MTR: variants seen among roughly 807,000 people sequenced by gnomAD.
MTR encodes the protein 5-methyltetrahydrofolate-homocysteine methyltransferase.
A neutral mutation model predicts 154.8 loss-of-function variants in MTR; 84 were observed. The ratio of observed to expected loss-of-function variants is 0.54; its 90% CI spans 0.45 to 0.65. MTR has a LOEUF of 0.65. Among genes scored for constraint, MTR ranks in the 30% least tolerant of loss-of-function variants. The pLI is 0.00. For synonymous variants in MTR, 554 were observed against 553.9 expected, an observed-to-expected ratio of 1.00 and a Z score of 0.00; for missense variants, 1,275 against 1,570.2, an observed-to-expected ratio of 0.81 and a Z score of 3.18.
At chr1:236,877,053 T>G (rs1665473623) in intron 24 of MTR, among the ~76,000 whole-genome samples, 1 of 152,224 alleles carries the variant, frequency 6.6e-6, no homozygotes. Context: ...AAATAAGAGC[T>G]AGTAGGTAGC....
chr1:236,798,498 C>A (rs989517300), intron 1 of MTR, among the ~76,000 whole-genome samples: 2 of 152,112 alleles, frequency 1.3e-5, no homozygotes, highest in African/African-American at 4.8e-5. Context: ...CGGAAAAAAA[C>A]CCCACAAAAT....
intron 1 of MTR, among the ~76,000 whole-genome samples, chr1:236,796,104 T>G (rs979594521): frequency 1.3e-5 from 2 of 152,218 alleles, no homozygotes; most frequent in Non-Finnish European, 2.9e-5. Context: ...TTCGTAAATA[T>G]GTATTGCGCA....
In MTR at chr1:236,895,514, A is replaced by G. The variant is rs773331349; in HGVS notation, c.3562A>G (p.Thr1188Ala). 13 of 1,591,292 alleles carry G rather than the reference A, an allele frequency of 8.2e-6. No homozygotes were observed. Among genetic ancestry groups the G allele is most frequent in the Non-Finnish European group, 1.0e-5 (12 of 1,167,928 alleles). Reference sequence around the variant, plus strand: ...CCAGCCCGACCACACCGAGAAGCTCACCATGTGGAGACTCGCAGACATCGA... The same window carrying G: ...CCAGCCCGACCACACCGAGAAGCTCGCCATGTGGAGACTCGCAGACATCGA... ...PSQPDHTEKL[T>A]MWRLADIEQS... Residue 1188 changes from threonine (T) to alanine (A), a missense_variant, in exon 31 of 33, where the codon ACC becomes GCC. Thr to Ala is a moderately conservative substitution (Grantham distance 58). Transcript: ENST00000366577.
chr1:236,815,547 G>C (rs950278108), intron 6 of MTR, 57 bp from the exon 7 acceptor site: 41 of 1,559,904 alleles, frequency 2.6e-5, no homozygotes, highest in South Asian at 3.3e-5. Flanking sequence ...CAGGAAGTTA[G>C]ACTAATCTTG....
chr1:236,826,251 G>T (rs925029001), intron 10 of MTR, among the ~76,000 whole-genome samples: 17 of 152,244 alleles, frequency 1.1e-4, no homozygotes, highest in Admixed American at 3.3e-4. Context: ...CTCAGCATGT[G>T]GGTAAAAAAG....
chr1:236,832,640 C>A (rs1376734218), intron 13 of MTR, among the ~76,000 whole-genome samples: 4 of 152,150 alleles, frequency 2.6e-5, no homozygotes, highest in African/African-American at 9.7e-5. Flanking sequence ...ACCTAAGACT[C>A]CTGGATAGAT....
chr1:236,876,238 G>A (rs1665424707), intron 24 of MTR, among the ~76,000 whole-genome samples: 1 of 152,210 alleles, frequency 6.6e-6, no homozygotes. Context: ...TTCATAAGTA[G>A]AAACAGTATT....
At chr1:236,879,813 C>T (rs772852575) in intron 24 of MTR, among the ~76,000 whole-genome samples, 1 of 152,068 alleles carries the variant, frequency 6.6e-6, no homozygotes. Context: ...CCAACATTTT[C>T]AAGTTTGGTA....
At chr1:236,809,750 A>G (rs1025622553) in intron 4 of MTR, among the ~76,000 whole-genome samples, 1 of 152,192 alleles carries the variant, frequency 6.6e-6, no homozygotes, top group African/African-American at 2.4e-5. Context: ...TAAATTACAA[A>G]GCATAGCCCA....
intron 1 of MTR, chr1:236,800,546 GAGT>G: frequency 1.1e-6 from 1 of 921,642 alleles, no homozygotes. Flanking sequence ...AGCTTTCACT[GAGT>G]ATTTTCTTCT....
At position 236,838,527 on chromosome 1, in the gene MTR, C is replaced by CT. The variant is rs866448156; in HGVS notation, c.1445dup (p.Leu482PhefsTer8). ...GTCTGAAGGAAGGAGAGGACGACTT[C>CT]TTGGAGAAGGCCAGGAAGATTAAAA... On this transcript the variant is annotated frameshift_variant, in exon 15 of 33. Coordinates refer to ENST00000366577, the MANE Select transcript of MTR (RefSeq NM_000254.3). LOFTEE classifies it high-confidence loss of function. 1.2e-6 allele frequency: 2 copies of CT among 1,613,958 alleles called. No individual in the cohort carries two copies. The highest frequency in any genetic ancestry group is 1.7e-6 in the Non-Finnish European group (2 of 1,180,020).
In MTR at chr1:236,880,810, C is replaced by A; in HGVS notation, c.2650C>A (p.Leu884Met). ...PRYSAPVIHVLDASKSVVVCS... is the reference protein window; with the variant it reads ...PRYSAPVIHVMDASKSVVVCS... ...ATACAGTGCACCTGTAATCCATGTC[C>A]TGGACGCGTCCAAGAGTGTGGTGGT... is the stretch of plus-strand genomic sequence containing the variant. The change falls in exon 25 of 33, where the codon CTG (leucine) becomes ATG (methionine). Residue 884 changes from leucine (L) to methionine (M), a missense_variant. Coordinates refer to ENST00000366577, the MANE Select transcript of MTR (RefSeq NM_000254.3). 1 of 1,614,096 alleles carries A rather than the reference C, an allele frequency of 6.2e-7. No individual in the cohort carries two copies. Among genetic ancestry groups the A allele is most frequent in the Non-Finnish European group, 8.5e-7 (1 of 1,179,958 alleles).
rs934660687 is a variant in MTR at position 236,895,471 on chromosome 1, G to A, written c.3519G>A (p.Pro1173=). Residue 1173 remains proline, a synonymous_variant, in exon 31 of 33, where the codon CCG becomes CCA. Coordinates refer to ENST00000366577, the MANE Select transcript of MTR (RefSeq NM_000254.3). ...LRRLRYKGIR[P]APGYPSQPDH... is the part of the protein sequence containing the mutation. The stretch of plus-strand genomic sequence containing the variant: ...GGCTGCGGTACAAGGGCATCCGCCC[G>A]GCTCCTGGCTACCCCAGCCAGCCCG... The A allele has an allele frequency of 1.6e-5, 26 of 1,596,862 alleles. No individual in the cohort carries two copies. In the South Asian group the frequency reaches 2.3e-4, roughly 14 times the overall value.
intron 10 of MTR, 105 bp downstream of exon 10, chr1:236,825,504 CAT>C: frequency 4.3e-6 from 5 of 1,159,334 alleles, no homozygotes. Context: ...TCCCAATGTA[CAT>C]ATAACAAAGA....
intron 15 of MTR, among the ~76,000 whole-genome samples, chr1:236,849,786 C>T (rs935240672): frequency 1.3e-5 from 2 of 152,240 alleles, no homozygotes; most frequent in East Asian, 3.9e-4. Context: ...ACTTAAGACA[C>T]ATGTTAGGCC....
At chr1:236,823,213 C>A (rs1326371909) in intron 8 of MTR, among the ~76,000 whole-genome samples, 1 of 152,118 alleles carries the variant, frequency 6.6e-6, no homozygotes, top group Non-Finnish European at 1.5e-5. Context: ...GAGTATCCCT[C>A]ATCTGAAATG....
At chr1:236,848,046 A>G (rs1197277300) in intron 15 of MTR, among the ~76,000 whole-genome samples, 2 of 152,236 alleles carry the variant, frequency 1.3e-5, no homozygotes, top group Non-Finnish European at 1.5e-5. Flanking sequence ...TGTTTAATCA[A>G]GTGACAGAGG....
chr1:236,897,889 C>T lies in MTR; in HGVS notation c.*245C>T, dbSNP rs1666754765. 1 of 528,558 alleles carries T rather than the reference C, an allele frequency of 1.9e-6. No homozygotes were observed. Among genetic ancestry groups the T allele is most frequent in the Non-Finnish European group, 3.4e-6 (1 of 297,662 alleles). 32.7% of individuals were successfully genotyped at this position (528,558 alleles called of 1,614,324 possible). A position where few individuals can be genotyped will look rare whatever the true frequency, so the allele number is the denominator to read the frequency against. ...GCAGTGAGCAGGGTTCCTGTGGTTTCCCTGGTCCCTCTGAGATGGGGACAG... is the reference window on the plus strand; with the variant it reads ...GCAGTGAGCAGGGTTCCTGTGGTTTTCCTGGTCCCTCTGAGATGGGGACAG... On this transcript the variant is annotated 3_prime_UTR_variant, in exon 33 of 33. Coordinates refer to ENST00000366577, the MANE Select transcript of MTR (RefSeq NM_000254.3).
At chr1:236,829,320 T>C (rs1408555527) in intron 12 of MTR, 52 bp downstream of exon 12, 11 of 1,438,758 alleles carry the variant, frequency 7.6e-6, no homozygotes, top group Non-Finnish European at 1.1e-5. Context: ...TTGTGGAGTG[T>C]GAGTATTCTA....
Sources: allele counts gnomAD v4.1 joint callset (sites outside exome capture counted in the v4.1 genomes callset), GRCh38; gene constraint gnomAD v4.1.1; transcripts MANE v1.5; gene names NCBI Gene and HGNC (gene_info 2026-07-23, HGNC 2026-07-21).